CRMP1: variants seen among roughly 807,000 people sequenced by gnomAD.
CRMP1 encodes the protein collapsin response mediator protein 1.
Under a neutral mutation model 68.3 loss-of-function variants are expected in CRMP1, and 19 were observed. That is an observed-to-expected ratio of 0.28 (90% CI 0.19 to 0.41). CRMP1 has a LOEUF of 0.41. Among genes scored for constraint, CRMP1 ranks in the 10% least tolerant of loss-of-function variants. The probability of loss-of-function intolerance (pLI) is 1.00; values close to 1 mark genes in which losing one functional copy is unlikely to be tolerated. For missense variants in CRMP1, 791 were observed against 967.4 expected (o/e 0.82, Z 2.42); for synonymous variants, 439 against 399.6 (o/e 1.10, Z -1.18).
Position 5,883,961 on chromosome 4 carries a change from T to G in CRMP1, c.381+8628A>C, listed in dbSNP as rs913256914. On this transcript the variant is annotated intron_variant, in intron 1 of 13. Coordinates refer to ENST00000324989, the MANE Select transcript of CRMP1 (RefSeq NM_001014809.3). The surrounding 1 kb of genome is among the most constrained non-coding windows in gnomAD (Gnocchi z 4.5). ...ATTTGATTTAAACAAAATAATGTTT[T>G]CCCTAAAAATGGTCCACTTCTTCCT... Among the ~76,000 whole-genome samples, 2 of 152,198 alleles carry G rather than the reference T, an allele frequency of 1.3e-5. No homozygotes were observed. The highest frequency in any genetic ancestry group is 4.8e-5 in the African/African-American group (2 of 41,448).
chr4:5,851,823 GAGAA>G (rs1031178469), intron 4 of CRMP1, among the ~76,000 whole-genome samples: 2 of 149,468 alleles, frequency 1.3e-5, no homozygotes, highest in South Asian at 2.2e-4. Context: ...AGAAGAGGAG[GAGAA>G]AGAAGGAGAA....
At chr4:5,849,270 C>T in intron 6 of CRMP1, 122 bp downstream of exon 6, 1 of 756,526 alleles carries the variant, frequency 1.3e-6, no homozygotes, top group Non-Finnish European at 2.2e-6. Flanking sequence ...TGATATGACA[C>T]CCAGTTCCTG....
intron 11 of CRMP1, among the ~76,000 whole-genome samples, chr4:5,828,939 G>A (rs1338488284): frequency 1.8e-5 from 2 of 112,010 alleles, no homozygotes; most frequent in African/African-American, 5.9e-5. Context: ...GGGGTCCCCC[G>A]GGGTTATGCA....
At chr4:5,844,983 T>C (rs566492360) in intron 6 of CRMP1, among the ~76,000 whole-genome samples, 112 of 152,200 alleles carry the variant, frequency 7.4e-4, no homozygotes, top group Non-Finnish European at 1.3e-3. Flanking sequence ...GGAGAATACA[T>C]TGTGCAGATT....
chr4:5,856,029 T>C, intron 4 of CRMP1, 114 bp downstream of exon 4: 1 of 1,249,152 alleles, frequency 8.0e-7, no homozygotes, highest in Non-Finnish European at 1.1e-6. Context: ...AGAGTGCAGC[T>C]CATAATCAGG....
At chr4:5,849,497 G>C in intron 5 of CRMP1, 25 bp from the exon 6 acceptor site, 1 of 1,524,924 alleles carries the variant, frequency 6.6e-7, no homozygotes, top group Non-Finnish European at 9.0e-7. Context: ...ACAGGGGTTG[G>C]TGTGAGATTT....
At chr4:5,830,051 C>G (rs1720250239) in intron 11 of CRMP1, among the ~76,000 whole-genome samples, 1 of 152,186 alleles carries the variant, frequency 6.6e-6, no homozygotes, top group African/African-American at 2.4e-5. Flanking sequence ...GTTGCTGGCA[C>G]AGGTGAAAAA....
rs1720627160 is a variant in CRMP1, at chr4:5,834,879, G to A, written c.1623+1036C>T. ...TTATAAGAATGACCTGGATTGGTGA[G>A]CCGGACAAGGTCAGTGAGCAGCTAC... On this transcript the variant is annotated intron_variant, in intron 11 of 13. Transcript: ENST00000324989. This position sits in a 1 kb window ranked among gnomAD's most constrained non-coding sequence, Gnocchi z 4.3. 6.6e-6 allele frequency among the ~76,000 whole-genome samples: 1 copy of A among 152,212 alleles called. No homozygotes were observed. The highest frequency in any genetic ancestry group is 1.5e-5 in the Non-Finnish European group (1 of 68,038).
rs1175551870 is a variant in CRMP1 at position 5,856,322 on chromosome 4, T to C, written c.656-15A>G. On this transcript the variant is annotated splice_polypyrimidine_tract_variant and intron_variant, in intron 3 of 13. Coordinates refer to ENST00000324989, the MANE Select transcript of CRMP1 (RefSeq NM_001014809.3). ...AACATGGTCAACTGGGACAGAGAAATATGCATCATGATGCTTCAGACTCAA... is the reference window on the plus strand; with the variant it reads ...AACATGGTCAACTGGGACAGAGAAACATGCATCATGATGCTTCAGACTCAA... The C allele has an allele frequency of 1.9e-6, 3 of 1,612,300 alleles. No homozygotes were observed. The highest frequency in any genetic ancestry group is 1.1e-5 in the South Asian group (1 of 90,862).
At chr4:5,869,556 C>T (rs1044090994) in intron 1 of CRMP1, among the ~76,000 whole-genome samples, 15 of 151,864 alleles carry the variant, frequency 9.9e-5, no homozygotes, top group East Asian at 1.9e-4. Flanking sequence ...TGGTGGCAGA[C>T]GCCTGTAGTC....
In CRMP1 at chr4:5,881,957, G is replaced by A. The variant is rs993454116; in HGVS notation, c.381+10632C>T. Among the ~76,000 whole-genome samples, 1 of 151,994 alleles carries A rather than the reference G, an allele frequency of 6.6e-6. No homozygotes were observed. Among genetic ancestry groups the A allele is most frequent in the African/African-American group, 2.4e-5 (1 of 41,350 alleles). Reference sequence around the variant, plus strand: ...TCCAATCTATTCCTTATTGTCCATTGAGACACCTCAATTTCGAGCTTGCTA... The same window carrying A: ...TCCAATCTATTCCTTATTGTCCATTAAGACACCTCAATTTCGAGCTTGCTA... On this transcript the variant is annotated intron_variant, in intron 1 of 13. Transcript: ENST00000324989. This position sits in a 1 kb window ranked among gnomAD's most constrained non-coding sequence, Gnocchi z 4.6.
At position 5,858,534 on chromosome 4, in the gene CRMP1, T is replaced by A. The variant is rs939526155; in HGVS notation, c.656-2227A>T. On this transcript the variant is annotated intron_variant, in intron 3 of 13. Transcript: ENST00000324989. The surrounding 1 kb of genome is among the most constrained non-coding windows in gnomAD (Gnocchi z 5.5). Reference sequence around the variant, plus strand: ...TGACCCAGCACCGAAGGCTGTTGACTGGCCTCCTCCATATCCCTGGAGCTG... The same window carrying A: ...TGACCCAGCACCGAAGGCTGTTGACAGGCCTCCTCCATATCCCTGGAGCTG... Among the ~76,000 whole-genome samples the A allele has an allele frequency of 1.2e-4, 19 of 152,110 alleles. No homozygotes were observed. Among genetic ancestry groups the A allele is most frequent in the Admixed American group, 7.2e-4 (11 of 15,278 alleles).
chr4:5,857,363 CCAT>C (rs1178921400), intron 3 of CRMP1, among the ~76,000 whole-genome samples: 2 of 151,954 alleles, frequency 1.3e-5, no homozygotes, highest in African/African-American at 2.4e-5. Flanking sequence ...ATTATCATCA[CCAT>C]CATCACCATC....
rs1365657035 is a variant in CRMP1 at position 5,870,031 on chromosome 4, A to G, written c.382-3275T>C. Among the ~76,000 whole-genome samples, 9 of 152,208 alleles carry G rather than the reference A, an allele frequency of 5.9e-5. No homozygotes were observed. Among genetic ancestry groups the G allele is most frequent in the Non-Finnish European group, 1.3e-4 (9 of 68,034 alleles). ...AGAGAAGAAGAGTTTAACCCAAACT[A>G]AGGCATCAGAAACACATCATGCAGT... On this transcript the variant is annotated intron_variant, in intron 1 of 13. Transcript: ENST00000324989. This position sits in a 1 kb window ranked among gnomAD's most constrained non-coding sequence, Gnocchi z 6.0.
rs1252521206 is a variant in CRMP1, at chr4:5,853,385, CAG to C, written c.821-1918_821-1917del. 6.6e-6 allele frequency among the ~76,000 whole-genome samples: 1 copy of C among 152,118 alleles called. No homozygotes were observed. Among genetic ancestry groups the C allele is most frequent in the Non-Finnish European group, 1.5e-5 (1 of 68,022 alleles). The stretch of plus-strand genomic sequence containing the variant: ...CGCCATTGCACTCCAGCCTGGGTGA[CAG>C]AGTAAGACTCCATCAGAAGGAAAGA... On this transcript the variant is annotated intron_variant, in intron 4 of 13. Coordinates refer to ENST00000324989, the MANE Select transcript of CRMP1 (RefSeq NM_001014809.3). This position sits in a 1 kb window ranked among gnomAD's most constrained non-coding sequence, Gnocchi z 4.7.
At chr4:5,867,263 T>G (rs1284112652) in intron 1 of CRMP1, among the ~76,000 whole-genome samples, 1 of 152,192 alleles carries the variant, frequency 6.6e-6, no homozygotes, top group Admixed American at 6.5e-5. Context: ...GTTGGAAGGT[T>G]TGAACCAACA....
Position 5,860,482 on chromosome 4 carries a change from C to T in CRMP1, c.655+544G>A, listed in dbSNP as rs1474666633. Among the ~76,000 whole-genome samples the T allele has an allele frequency of 6.6e-6, 1 of 152,200 alleles. No individual in the cohort carries two copies. Among genetic ancestry groups the T allele is most frequent in the East Asian group, 1.9e-4 (1 of 5,188 alleles). On this transcript the variant is annotated intron_variant, in intron 3 of 13. Coordinates refer to ENST00000324989, the MANE Select transcript of CRMP1 (RefSeq NM_001014809.3). This position sits in a 1 kb window ranked among gnomAD's most constrained non-coding sequence, Gnocchi z 4.2. ...GTTACGCGGTGTTATCACAGTATTACTGCAGCAATACTAATACAACCACTT... is the reference window on the plus strand; with the variant it reads ...GTTACGCGGTGTTATCACAGTATTATTGCAGCAATACTAATACAACCACTT...
Position 5,860,744 on chromosome 4 carries a change from G to C in CRMP1, c.655+282C>G, listed in dbSNP as rs6446399. Among the ~76,000 whole-genome samples, 1 of 151,796 alleles carries C rather than the reference G, an allele frequency of 6.6e-6. No homozygotes were observed. Among genetic ancestry groups the C allele is most frequent in the Non-Finnish European group, 1.5e-5 (1 of 67,998 alleles). ...ATGTGACTTCAGTCTCATGCTAAGC[G>C]ATTATATCAATGAGATGTTGTTTTA... On this transcript the variant is annotated intron_variant, in intron 3 of 13. Transcript: ENST00000324989. This position sits in a 1 kb window ranked among gnomAD's most constrained non-coding sequence, Gnocchi z 4.2.
At chr4:5,852,394 A>G (rs973396807) in intron 4 of CRMP1, among the ~76,000 whole-genome samples, 20 of 152,308 alleles carry the variant, frequency 1.3e-4, no homozygotes, top group Non-Finnish European at 2.8e-4. Context: ...AAATAGCAAG[A>G]TTTCTGGGCA....
Sources: gnomAD v4.1 joint callset for allele counts (sites outside exome capture counted in the v4.1 genomes callset) on GRCh38, gnomAD v4.1.1 for gene constraint, Gnocchi (gnomAD v3.1) non-coding constraint, MANE v1.5 for transcripts, NCBI Gene and HGNC (gene_info 2026-07-23, HGNC 2026-07-21) for gene names.